VPS37A: variants seen among roughly 807,000 people sequenced by gnomAD.
VPS37A encodes vacuolar protein sorting-associated protein 37A.
Under a neutral mutation model 49.8 loss-of-function variants are expected in VPS37A, and 30 were observed. The observed-to-expected ratio is 0.60, with a 90% CI of 0.45 to 0.82. The LOEUF (loss-of-function observed/expected upper bound fraction) is 0.82, where lower values mean the gene tolerates loss of function less well. Ranked by LOEUF, VPS37A falls within the 40% of genes least tolerant of loss-of-function variation. VPS37A has a pLI of 0.00. For missense variants in VPS37A, 593 were observed against 464.4 expected (o/e 1.28, Z -2.55); for synonymous variants, 195 against 160.6 (o/e 1.21, Z -1.62).
rs969137836 is a variant in VPS37A, at chr8:17,247,232, G to C, written c.-13G>C. 1.9e-6 allele frequency: 3 copies of C among 1,566,190 alleles called. No homozygotes were observed. Among genetic ancestry groups the C allele is most frequent in the Non-Finnish European group, 2.6e-6 (3 of 1,155,326 alleles). On this transcript the variant is annotated 5_prime_UTR_variant, in exon 1 of 12. Coordinates refer to ENST00000324849, the MANE Select transcript of VPS37A (RefSeq NM_152415.3). ...GAGCCTTCCAGGGCCTCCGGCCCGT[G>C]GACCCGAGGAGGATGAGCTGGCTTT...
Position 17,277,630 on chromosome 8 carries a change from G to A in VPS37A, c.713+1163G>A, listed in dbSNP as rs115985824. 3.1e-3 allele frequency among the ~76,000 whole-genome samples: 464 copies of A among 151,808 alleles called. 6 individuals are homozygous for A. The highest frequency in any genetic ancestry group is 0.011 in the African/African-American group (443 of 41,408). The stretch of plus-strand genomic sequence containing the variant: ...TCAGTAAATTTTTCTACCAGGTAAG[G>A]ATTTTCTTTCCTTTTAACCATAACC... On this transcript the variant is annotated intron_variant, in intron 6 of 11. Coordinates refer to ENST00000324849, the MANE Select transcript of VPS37A (RefSeq NM_152415.3).
intron 5 of VPS37A, 100 bp from the exon 6 acceptor site, chr8:17,276,297 C>G (rs1247398067): frequency 5.9e-6 from 5 of 854,236 alleles, no homozygotes; most frequent in Middle Eastern, 2.4e-4. Context: ...ATAATGCAAA[C>G]AGTTATGGGA....
At chr8:17,278,086 A>G (rs1041861623) in intron 6 of VPS37A, among the ~76,000 whole-genome samples, 17 of 152,044 alleles carry the variant, frequency 1.1e-4, no homozygotes, top group Admixed American at 9.8e-4. Flanking sequence ...TTGTGGTACC[A>G]TTGAAGATGT....
At chr8:17,294,383 C>T (rs1295929813) in intron 11 of VPS37A, among the ~76,000 whole-genome samples, 1 of 152,202 alleles carries the variant, frequency 6.6e-6, no homozygotes, top group Non-Finnish European at 1.5e-5. Context: ...TCTTAGCTTG[C>T]TAGACTCCAT....
chr8:17,270,706 C>T (rs1179824346), intron 4 of VPS37A, among the ~76,000 whole-genome samples: 1 of 152,054 alleles, frequency 6.6e-6, no homozygotes, highest in Admixed American at 6.5e-5. Context: ...CTGGTTGTGG[C>T]CATTTTGGAA....
At chr8:17,292,953 G>C (rs2150432067) in intron 11 of VPS37A, among the ~76,000 whole-genome samples, 1 of 152,248 alleles carries the variant, frequency 6.6e-6, no homozygotes, top group Admixed American at 6.5e-5. Flanking sequence ...TTCTCAAGGA[G>C]TGTCTTTGTG....
chr8:17,290,842 C>T lies in VPS37A; in HGVS notation c.*1-4145C>T, dbSNP rs148863887. 2.7e-3 allele frequency among the ~76,000 whole-genome samples: 410 copies of T among 152,220 alleles called. 2 individuals carry two copies. Among genetic ancestry groups the T allele is most frequent in the African/African-American group, 6.5e-3 (269 of 41,532 alleles). On this transcript the variant is annotated intron_variant, in intron 11 of 11. Transcript: ENST00000324849. ...TTTGGTTGGTGAGCTATTACTGCCT[C>T]GGTTTCAGAACTTGTTATTGGTCTA... is the stretch of plus-strand genomic sequence containing the variant.
the VPS37A span, among the ~76,000 whole-genome samples, chr8:17,330,052 A>T: frequency 2.0e-5 from 3 of 152,236 alleles, no homozygotes; most frequent in Admixed American, 2.0e-4. Flanking sequence ...TGCAGCCCCA[A>T]ACAAGTTAAC....
downstream of VPS37A, chr8:17,299,920 G>C: frequency 6.2e-7 from 1 of 1,614,066 alleles, no homozygotes; most frequent in Non-Finnish European, 8.5e-7. Context: ...ATCTTCACTC[G>C]GTGCATGCTC....
At chr8:17,277,453 G>A (rs990727026) in intron 6 of VPS37A, among the ~76,000 whole-genome samples, 2 of 151,890 alleles carry the variant, frequency 1.3e-5, no homozygotes, top group African/African-American at 4.8e-5. Flanking sequence ...GAGCCACCAC[G>A]TATCCATCAT....
chr8:17,253,675 A>G (rs958653030), intron 1 of VPS37A, among the ~76,000 whole-genome samples: 1 of 152,154 alleles, frequency 6.6e-6, no homozygotes, highest in African/African-American at 2.4e-5. Context: ...TATTTTTTCC[A>G]GAAGACCCCA....
intron 1 of VPS37A, among the ~76,000 whole-genome samples, chr8:17,256,630 TTTTATTTATTTATTTATTTA>T (rs141925092): frequency 1.4e-5 from 2 of 145,326 alleles, no homozygotes; most frequent in African/African-American, 2.6e-5. Flanking sequence ...GCTGTGTAGG[TTTTATTTATTTATTTATTTA>T]TTTATTTATT....
At chr8:17,264,759 A>G (rs910880613) in intron 1 of VPS37A, among the ~76,000 whole-genome samples, 7 of 152,144 alleles carry the variant, frequency 4.6e-5, no homozygotes, top group Non-Finnish European at 1.0e-4. Context: ...AAGAAGTTTC[A>G]TGTTCATTTC....
intron 1 of VPS37A, among the ~76,000 whole-genome samples, chr8:17,263,552 C>G (rs1813160061): frequency 1.3e-5 from 2 of 151,898 alleles, no homozygotes; most frequent in Non-Finnish European, 2.9e-5. Context: ...GAACTGTCAT[C>G]AGTATAACTG....
At chr8:17,270,540 CT>C (rs1195638794) in intron 4 of VPS37A, among the ~76,000 whole-genome samples, 2 of 152,106 alleles carry the variant, frequency 1.3e-5, no homozygotes, top group Admixed American at 6.5e-5. Context: ...GCTGTATTAT[CT>C]TTTTTGGTTT....
chr8:17,278,278 A>G lies in VPS37A; in HGVS notation c.714-1750A>G, dbSNP rs2150398376. On this transcript the variant is annotated intron_variant, in intron 6 of 11. Transcript: ENST00000324849. ...ATATCAGGTTAAAGCACCTGAAATC[A>G]TTGACCATCATTAATATAGCAAGGG... Among the ~76,000 whole-genome samples, 6 of 152,248 alleles carry G rather than the reference A, an allele frequency of 3.9e-5. No homozygotes were observed. The South Asian group carries it at 1.2e-3, about 32-fold the overall frequency.
chr8:17,291,806 G>A (rs202086274), intron 11 of VPS37A, among the ~76,000 whole-genome samples: 9 of 152,044 alleles, frequency 5.9e-5, no homozygotes, highest in Non-Finnish European at 8.8e-5. Context: ...TTCTTAATCC[G>A]GAATTCTAAT....
chr8:17,281,347 T>A (rs1815036767), intron 9 of VPS37A, among the ~76,000 whole-genome samples: 1 of 151,906 alleles, frequency 6.6e-6, no homozygotes, highest in African/African-American at 2.4e-5. Context: ...TAGTTAGGAG[T>A]GTAACCTAAG....
intron 6 of VPS37A, chr8:17,279,730 A>G (rs1320798612): frequency 8.4e-6 from 4 of 476,106 alleles, no homozygotes; most frequent in African/African-American, 5.9e-5. Flanking sequence ...AGGTCACTGT[A>G]TAACTGTGAA....
Sources: gnomAD v4.1 joint callset for allele counts (sites outside exome capture counted in the v4.1 genomes callset) on GRCh38, gnomAD v4.1.1 for gene constraint, MANE v1.5 for transcripts, NCBI Gene and HGNC (gene_info 2026-07-23, HGNC 2026-07-21) for gene names.